FOCAD: variants seen among roughly 807,000 people sequenced by gnomAD.
FOCAD encodes the protein focadhesin.
FOCAD carries 198 observed loss-of-function variants against 225.6 expected under a neutral mutation model. That is an observed-to-expected ratio of 0.88 (90% CI 0.78 to 0.99). The LOEUF (loss-of-function observed/expected upper bound fraction) is 0.99. Ranked by LOEUF, FOCAD falls within the 50% of genes least tolerant of loss-of-function variation. The pLI, the probability that FOCAD is intolerant of heterozygous loss-of-function variation, is 0.00. For synonymous variants in FOCAD, 897 were observed against 755.0 expected, an observed-to-expected ratio of 1.19 and a Z score of -3.08; for missense variants, 2,713 against 2,123.6, an observed-to-expected ratio of 1.28 and a Z score of -5.46.
At chr9:20,778,627 C>A in intron 8 of FOCAD, 54 bp from the exon 9 acceptor site, 1 of 913,840 alleles carries the variant, frequency 1.1e-6, no homozygotes, top group Non-Finnish European at 1.8e-6. Flanking sequence ...TGTTACAAAG[C>A]CATGATTCTG....
intron 9 of FOCAD, among the ~76,000 whole-genome samples, chr9:20,779,102 A>G (rs915293929): frequency 2.6e-5 from 4 of 152,226 alleles, no homozygotes; most frequent in African/African-American, 9.6e-5. Flanking sequence ...TTGAAAGAAA[A>G]GTGTTTAGTA....
At chr9:20,765,757 G>GT (rs1830003611) in intron 7 of FOCAD, among the ~76,000 whole-genome samples, 1 of 152,158 alleles carries the variant, frequency 6.6e-6, no homozygotes, top group Non-Finnish European at 1.5e-5. Flanking sequence ...AGTTGCCCAG[G>GT]TGTTGTGATT....
chr9:20,791,559 A>G (rs1820541703), intron 11 of FOCAD, among the ~76,000 whole-genome samples: 1 of 152,196 alleles, frequency 6.6e-6, no homozygotes, highest in African/African-American at 2.4e-5. Context: ...TGGTCTGGGC[A>G]GTATTTTCAA....
intron 4 of FOCAD, among the ~76,000 whole-genome samples, chr9:20,738,271 G>A (rs1303498289): frequency 6.6e-6 from 1 of 152,210 alleles, no homozygotes; most frequent in Non-Finnish European, 1.5e-5. Context: ...TCAAGGAGAT[G>A]CCATGCAGTC....
chr9:20,657,406 C>T (rs1329289920), upstream of FOCAD, among the ~76,000 whole-genome samples: 1 of 81,044 alleles, frequency 1.2e-5, no homozygotes, highest in Non-Finnish European at 2.5e-5. Context: ...CCATCACTTT[C>T]AGGTACACCA....
intron 41 of FOCAD, 102 bp from the exon 42 acceptor site, chr9:20,990,021 G>T (rs977931061): frequency 1.4e-6 from 2 of 1,386,052 alleles, no homozygotes; most frequent in African/African-American, 2.8e-5. Context: ...TTGGGTGAAG[G>T]GGAAGATGAC....
intron 4 of FOCAD, among the ~76,000 whole-genome samples, chr9:20,725,554 G>A (rs1295348708): frequency 6.6e-6 from 1 of 152,110 alleles, no homozygotes; most frequent in Non-Finnish European, 1.5e-5. Flanking sequence ...AAGCGTGAAA[G>A]AAAGATGGAA....
chr9:20,709,506 T>TAA (rs33977101), intron 1 of FOCAD, among the ~76,000 whole-genome samples: 3 of 127,904 alleles, frequency 2.3e-5, no homozygotes, highest in African/African-American at 8.7e-5. Context: ...CTCTGTCTCT[T>TAA]AAAAAAAAAA....
chr9:20,891,158 G>A (rs1831580164), intron 21 of FOCAD, among the ~76,000 whole-genome samples: 4 of 152,118 alleles, frequency 2.6e-5, no homozygotes, highest in Non-Finnish European at 4.4e-5. Context: ...TGCCCACATA[G>A]CACCATGAAC....
intron 21 of FOCAD, among the ~76,000 whole-genome samples, chr9:20,906,004 C>G (rs993243260): frequency 6.7e-6 from 1 of 149,756 alleles, no homozygotes; most frequent in Non-Finnish European, 1.5e-5. Flanking sequence ...TCTCTTTGTT[C>G]TTTTTATTCC....
At chr9:20,963,569 GA>G (rs1838966682) in intron 35 of FOCAD, among the ~76,000 whole-genome samples, 1 of 152,188 alleles carries the variant, frequency 6.6e-6, no homozygotes, top group Non-Finnish European at 1.5e-5. Context: ...ATCTATTTAT[GA>G]ATTAATGATT....
chr9:20,785,302 C>T (rs1397554654), intron 10 of FOCAD, among the ~76,000 whole-genome samples: 1 of 152,058 alleles, frequency 6.6e-6, no homozygotes, highest in Non-Finnish European at 1.5e-5. Context: ...TTAGTATATT[C>T]GCAGCATTGT....
At chr9:20,813,674 G>A (rs183745905) in intron 11 of FOCAD, among the ~76,000 whole-genome samples, 2 of 152,096 alleles carry the variant, frequency 1.3e-5, no homozygotes, top group East Asian at 1.9e-4. Flanking sequence ...GAGAATGTTC[G>A]GTGTGCACCT....
At position 20,982,712 on chromosome 9, in the gene FOCAD, T is replaced by G. The variant is rs369921498; in HGVS notation, c.4728+266T>G. ...CTTTGTCCTTCACCTGATCCTATCCTTAGGAATGAAGAAGGTGGTTGATTG... is the reference window on the plus strand; with the variant it reads ...CTTTGTCCTTCACCTGATCCTATCCGTAGGAATGAAGAAGGTGGTTGATTG... On this transcript the variant is annotated intron_variant, in intron 39 of 43. Coordinates refer to ENST00000338382, the MANE Select transcript of FOCAD (RefSeq NM_001375567.1). Among the ~76,000 whole-genome samples, 8 of 152,318 alleles carry G rather than the reference T, an allele frequency of 5.3e-5. No individual in the cohort carries two copies. In the East Asian group the frequency reaches 7.7e-4, roughly 15 times the overall value.
At chr9:20,896,677 T>C (rs1832116234) in intron 21 of FOCAD, among the ~76,000 whole-genome samples, 1 of 151,918 alleles carries the variant, frequency 6.6e-6, no homozygotes, top group Admixed American at 6.6e-5. Context: ...ATTTCCTTAT[T>C]ATCCTTTCAG....
At chr9:20,932,765 T>C (rs1227423251) in intron 27 of FOCAD, among the ~76,000 whole-genome samples, 1 of 152,170 alleles carries the variant, frequency 6.6e-6, no homozygotes, top group Non-Finnish European at 1.5e-5. Flanking sequence ...AAATCAAAAA[T>C]AGGAGATTTT....
At chr9:20,793,612 G>C (rs1820766345) in intron 11 of FOCAD, among the ~76,000 whole-genome samples, 1 of 152,144 alleles carries the variant, frequency 6.6e-6, no homozygotes, top group Admixed American at 6.5e-5. Context: ...GTGTGTCATT[G>C]AACAGCAAGC....
At chr9:20,846,558 A>C (rs1827133158) in intron 15 of FOCAD, among the ~76,000 whole-genome samples, 1 of 152,128 alleles carries the variant, frequency 6.6e-6, no homozygotes. Flanking sequence ...TTCTTCAAAC[A>C]ATATTATGGG....
chr9:20,906,212 C>G (rs1832967569), intron 21 of FOCAD, among the ~76,000 whole-genome samples: 1 of 151,962 alleles, frequency 6.6e-6, no homozygotes, highest in South Asian at 2.1e-4. Flanking sequence ...TTCTTATCTT[C>G]CCTATCACAA....
Sources: gnomAD v4.1 joint callset for allele counts (sites outside exome capture counted in the v4.1 genomes callset) on GRCh38, gnomAD v4.1.1 for gene constraint, MANE v1.5 for transcripts, NCBI Gene and HGNC (gene_info 2026-07-23, HGNC 2026-07-21) for gene names.